ARPC1A: variants seen among roughly 807,000 people sequenced by gnomAD.
The protein encoded by ARPC1A is actin-related protein 2/3 complex subunit 1A.
Under a neutral mutation model 46.9 loss-of-function variants are expected in ARPC1A, and 8 were observed. That is an observed-to-expected ratio of 0.17 (90% CI 0.10 to 0.31). The LOEUF is 0.31. Among genes scored for constraint, ARPC1A ranks in the 10% least tolerant of loss-of-function variants. ARPC1A has a pLI of 1.00. For missense variants in ARPC1A, 286 were observed against 483.6 expected, an observed-to-expected ratio of 0.59 and a Z score of 3.83; for synonymous variants, 152 against 169.0, an observed-to-expected ratio of 0.90 and a Z score of 0.78.
At chr7:99,344,220 G>A in intron 3 of ARPC1A, 73 bp from the exon 4 acceptor site, 1 of 1,444,574 alleles carries the variant, frequency 6.9e-7, no homozygotes, top group Non-Finnish European at 9.6e-7. Flanking sequence ...GCATGCCAGT[G>A]CCACCCACCT....
chr7:99,338,780 C>T lies in ARPC1A; in HGVS notation c.169+495C>T, dbSNP rs1320272880. Among the ~76,000 whole-genome samples the T allele has an allele frequency of 3.3e-5, 5 of 152,264 alleles. No homozygotes were observed. In the East Asian group the frequency reaches 9.6e-4, roughly 29 times the overall value. On this transcript the variant is annotated intron_variant, in intron 3 of 9. Transcript: ENST00000262942. ...AGTTGTTAAGTGCTTCTTGTGGCCC[C>T]AGCTGGTACCCAGCACTCTACCGTT...
intron 3 of ARPC1A, among the ~76,000 whole-genome samples, chr7:99,341,970 G>A (rs1328893543): frequency 1.3e-5 from 2 of 152,166 alleles, no homozygotes; most frequent in Non-Finnish European, 2.9e-5. Flanking sequence ...AAGAAAAGAA[G>A]TGTGGCAAAC....
chr7:99,343,390 C>G (rs1277076957), intron 3 of ARPC1A, among the ~76,000 whole-genome samples: 1 of 151,520 alleles, frequency 6.6e-6, no homozygotes, highest in Non-Finnish European at 1.5e-5. Flanking sequence ...CGCTTGAACC[C>G]GGGAGGCGGA....
intron 9 of ARPC1A, among the ~76,000 whole-genome samples, 180 bp from the exon 10 acceptor site, chr7:99,365,711 G>A (rs1793827314): frequency 6.6e-6 from 1 of 152,106 alleles, no homozygotes; most frequent in Non-Finnish European, 1.5e-5. Context: ...CCAGCAGGGG[G>A]AGCCCCGGCC....
At chr7:99,360,761 A>G (rs1793724516) in intron 8 of ARPC1A, among the ~76,000 whole-genome samples, 1 of 152,026 alleles carries the variant, frequency 6.6e-6, no homozygotes, top group South Asian at 2.1e-4. Flanking sequence ...CCAACATGGC[A>G]AAACCCCATC....
At chr7:99,364,916 G>T (rs1465664097) in intron 9 of ARPC1A, among the ~76,000 whole-genome samples, 1 of 152,118 alleles carries the variant, frequency 6.6e-6, no homozygotes, top group Non-Finnish European at 1.5e-5. Context: ...CAGTGCCTCT[G>T]TTTTCACACA....
At chr7:99,326,583 T>C (rs1332428068) in intron 1 of ARPC1A, among the ~76,000 whole-genome samples, 1 of 152,210 alleles carries the variant, frequency 6.6e-6, no homozygotes, top group East Asian at 1.9e-4. Flanking sequence ...AGTGGAATCT[T>C]TTATGCCAGT....
At chr7:99,346,528 A>T (rs1440277982) in intron 4 of ARPC1A, among the ~76,000 whole-genome samples, 1 of 152,182 alleles carries the variant, frequency 6.6e-6, no homozygotes, top group Admixed American at 6.5e-5. Flanking sequence ...GGTACAAGGT[A>T]TTGTCTTTGA....
chr7:99,359,005 T>G (rs576521001), intron 7 of ARPC1A, among the ~76,000 whole-genome samples: 483 of 151,270 alleles, frequency 3.2e-3, no homozygotes, highest in Non-Finnish European at 4.7e-3. Flanking sequence ...CTAATTTTTT[T>G]TATTTTTAGT....
intron 6 of ARPC1A, 51 bp downstream of exon 6, chr7:99,354,172 T>G: frequency 5.1e-6 from 8 of 1,574,886 alleles, no homozygotes; most frequent in South Asian, 1.1e-5. Context: ...GTGGGATCTC[T>G]CACCAGCTGA....
chr7:99,355,802 G>A (rs948265663), intron 6 of ARPC1A, among the ~76,000 whole-genome samples: 2 of 149,680 alleles, frequency 1.3e-5, no homozygotes, highest in Non-Finnish European at 2.9e-5. Context: ...TGTAAGTGCC[G>A]TTCACCGGCC....
chr7:99,353,264 T>TTCTCTTG (rs1793577200), intron 5 of ARPC1A, among the ~76,000 whole-genome samples: 1 of 151,412 alleles, frequency 6.6e-6, no homozygotes, highest in African/African-American at 2.4e-5. Flanking sequence ...GTTCACGCCA[T>TTCTCTTG]TCTCTTGCCT....
chr7:99,364,217 AGTG>A (rs547323069), intron 9 of ARPC1A, among the ~76,000 whole-genome samples: 92 of 151,022 alleles, frequency 6.1e-4, no homozygotes, highest in African/African-American at 2.1e-3. Context: ...GGCCTCCCAA[AGTG>A]GTGGGATTAC....
intron 2 of ARPC1A, among the ~76,000 whole-genome samples, chr7:99,336,500 T>G (rs1793254987): frequency 7.0e-6 from 1 of 143,872 alleles, no homozygotes; most frequent in Admixed American, 7.0e-5. Context: ...TTTTTTTTTT[T>G]TTTTTTTTTG....
intron 3 of ARPC1A, among the ~76,000 whole-genome samples, chr7:99,341,347 C>A (rs1205698953): frequency 2.0e-5 from 3 of 151,892 alleles, no homozygotes; most frequent in Non-Finnish European, 4.4e-5. Context: ...GTGGCTCAAG[C>A]CTGTAATCCC....
At position 99,353,942 on chromosome 7, in the gene ARPC1A, A is replaced by G. The variant is rs1584384252; in HGVS notation, c.534A>G (p.Glu178=). 1 of 1,613,960 alleles carries G rather than the reference A, an allele frequency of 6.2e-7. No individual in the cohort carries two copies. The highest frequency in any genetic ancestry group is 1.3e-5 in the African/African-American group (1 of 75,028). ...VFSAYIKEVD[E]KPASTPWGSK... ...CTGCCTACATTAAAGAAGTGGATGA[A>G]AAGCCAGCCAGCACGCCCTGGGGCA... Residue 178 remains glutamate (E), a synonymous_variant, in exon 6 of 10, where the codon GAA becomes GAG. Coordinates refer to ENST00000262942, the MANE Select transcript of ARPC1A (RefSeq NM_006409.4).
At chr7:99,361,002 G>C (rs1793730973) in intron 8 of ARPC1A, among the ~76,000 whole-genome samples, 1 of 150,058 alleles carries the variant, frequency 6.7e-6, no homozygotes, top group African/African-American at 2.5e-5. Context: ...CTAAATTACT[G>C]TGTTCAGAGT....
chr7:99,329,296 G>A (rs1157070879), intron 1 of ARPC1A, among the ~76,000 whole-genome samples: 3 of 148,014 alleles, frequency 2.0e-5, no homozygotes, highest in Admixed American at 6.8e-5. Flanking sequence ...GCGAGACTCC[G>A]TCTCAAAAAA....
At chr7:99,360,053 C>G (rs557313663) in intron 8 of ARPC1A, 24 of 415,012 alleles carry the variant, frequency 5.8e-5, no homozygotes, top group African/African-American at 4.4e-4. Context: ...CTAGGGTACC[C>G]TTTCTCAGCT....
Sources: allele counts gnomAD v4.1 joint callset (sites outside exome capture counted in the v4.1 genomes callset), GRCh38; gene constraint gnomAD v4.1.1; transcripts MANE v1.5; gene names NCBI Gene and HGNC (gene_info 2026-07-23, HGNC 2026-07-21).